Variants in MAPRE2 observed in about 807,000 individuals in gnomAD.
The protein encoded by MAPRE2 is microtubule-associated protein RP/EB family member 2.
A neutral mutation model predicts 43.2 loss-of-function variants in MAPRE2; 13 were observed. That is an observed-to-expected ratio of 0.30 (90% confidence interval 0.20 to 0.48). The LOEUF (loss-of-function observed/expected upper bound fraction) is 0.48, where lower values mean the gene tolerates loss of function less well. MAPRE2 is among the 20% of genes least tolerant of loss of function. MAPRE2 has a pLI of 0.99. For missense variants in MAPRE2, 161 were observed against 400.2 expected, an observed-to-expected ratio of 0.40 and a Z score of 5.10; for synonymous variants, 135 against 148.8, an observed-to-expected ratio of 0.91 and a Z score of 0.68.
At chr18:35,053,708 A>G (rs1209198452) in intron 1 of MAPRE2, among the ~76,000 whole-genome samples, 1 of 152,188 alleles carries the variant, frequency 6.6e-6, no homozygotes, top group East Asian at 1.9e-4. Flanking sequence ...AGGATACCAT[A>G]TGTTCTCACA....
intron 1 of MAPRE2, among the ~76,000 whole-genome samples, chr18:35,056,047 CTG>C (rs1906213487): frequency 6.6e-6 from 1 of 150,630 alleles, no homozygotes; most frequent in Admixed American, 6.6e-5. Flanking sequence ...TATTTTTTAT[CTG>C]TATTTTCTGC....
At chr18:34,987,349 C>A (rs1165261601) in intron 1 of MAPRE2, among the ~76,000 whole-genome samples, 3 of 152,120 alleles carry the variant, frequency 2.0e-5, no homozygotes, top group African/African-American at 7.2e-5. Context: ...TCTTAAAATG[C>A]AGAATTTGAG....
chr18:35,062,075 A>T (rs1404932672), intron 1 of MAPRE2, among the ~76,000 whole-genome samples: 1 of 152,286 alleles, frequency 6.6e-6, no homozygotes, highest in Non-Finnish European at 1.5e-5. Context: ...GAGATTTAAC[A>T]TCAGCCTTTT....
chr18:35,091,143 A>G (rs1908130487), intron 2 of MAPRE2, among the ~76,000 whole-genome samples: 1 of 152,376 alleles, frequency 6.6e-6, no homozygotes, highest in Non-Finnish European at 1.5e-5. Context: ...CAGGTTAAGT[A>G]TCTCTAATCC....
rs886736371 is a variant in MAPRE2 at position 35,140,577 on chromosome 18, C to T, written c.*208C>T. The T allele has an allele frequency of 3.1e-5, 17 of 554,784 alleles. No individual in the cohort carries two copies. The highest frequency in any genetic ancestry group is 5.2e-5 in the Non-Finnish European group (16 of 310,118). 34.4% of individuals were successfully genotyped at this position (554,784 alleles called of 1,614,324 possible). A position where few individuals can be genotyped will look rare whatever the true frequency, so the allele number is the denominator to read the frequency against. ...GCGGACGGCCCTCTGGCCACCTACC[C>T]GAGAGATCGTAGGGTCACATACATC... On this transcript the variant is annotated 3_prime_UTR_variant, in exon 7 of 7. Coordinates refer to ENST00000300249, the MANE Select transcript of MAPRE2 (RefSeq NM_014268.4).
At chr18:35,039,157 G>A (rs766682004), upstream of MAPRE2, among the ~76,000 whole-genome samples, 5 of 152,224 alleles carry the variant, frequency 3.3e-5, no homozygotes, top group African/African-American at 7.2e-5. Context: ...CTGTACTAAA[G>A]AACCCAGATT....
At chr18:35,038,164 C>T (rs924403701), upstream of MAPRE2, among the ~76,000 whole-genome samples, 5 of 152,148 alleles carry the variant, frequency 3.3e-5, no homozygotes, top group African/African-American at 1.2e-4. Flanking sequence ...ATCACTTCAC[C>T]TCTGCTGTAA....
upstream of MAPRE2, among the ~76,000 whole-genome samples, chr18:35,037,760 C>G (rs890379290): frequency 6.6e-6 from 1 of 152,124 alleles, no homozygotes; most frequent in Admixed American, 6.5e-5. Flanking sequence ...CACAGTATTA[C>G]AGCCTCTTCC....
At chr18:35,012,216 T>C (rs1446205814) in intron 2 of MAPRE2, among the ~76,000 whole-genome samples, 2 of 152,064 alleles carry the variant, frequency 1.3e-5, no homozygotes, top group Non-Finnish European at 2.9e-5. Flanking sequence ...CCTGTGACGT[T>C]AAAAAAGATA....
At chr18:35,066,105 C>G (rs1322995125) in intron 1 of MAPRE2, among the ~76,000 whole-genome samples, 1 of 152,210 alleles carries the variant, frequency 6.6e-6, no homozygotes, top group Non-Finnish European at 1.5e-5. Context: ...TTAGTATGAC[C>G]TTACCTTTCA....
At chr18:35,082,966 TG>T (rs1300053757) in intron 2 of MAPRE2, among the ~76,000 whole-genome samples, 2 of 152,202 alleles carry the variant, frequency 1.3e-5, no homozygotes, top group African/African-American at 4.8e-5. Flanking sequence ...CTAAGTTACT[TG>T]GTTCTTATTA....
intron 2 of MAPRE2, among the ~76,000 whole-genome samples, chr18:35,018,059 G>A (rs1318142243): frequency 6.6e-6 from 1 of 151,996 alleles, no homozygotes; most frequent in Admixed American, 6.6e-5. Flanking sequence ...TACATCTATT[G>A]AGATGATCAC....
At chr18:35,134,991 G>A (rs760436541) in intron 6 of MAPRE2, among the ~76,000 whole-genome samples, 46 of 152,164 alleles carry the variant, frequency 3.0e-4, no homozygotes, top group Non-Finnish European at 5.6e-4. Context: ...TTCAAGAAGA[G>A]AATTACTCAG....
chr18:35,128,639 A>C (rs1362509440), intron 5 of MAPRE2, among the ~76,000 whole-genome samples: 1 of 152,148 alleles, frequency 6.6e-6, no homozygotes, highest in Non-Finnish European at 1.5e-5. Flanking sequence ...TATATCAGGG[A>C]CTTCAGCATC....
chr18:35,026,374 G>A (rs927667887), intron 2 of MAPRE2, among the ~76,000 whole-genome samples: 1 of 152,204 alleles, frequency 6.6e-6, no homozygotes, highest in African/African-American at 2.4e-5. Flanking sequence ...TAAACCAATG[G>A]CCGCAACCTA....
chr18:35,068,911 A>G (rs1906973157), intron 1 of MAPRE2, among the ~76,000 whole-genome samples: 1 of 152,132 alleles, frequency 6.6e-6, no homozygotes, highest in African/African-American at 2.4e-5. Flanking sequence ...GGGCTGTTCT[A>G]TTGGTTTCTT....
chr18:35,112,256 C>G (rs756235439), intron 4 of MAPRE2, among the ~76,000 whole-genome samples: 1 of 151,548 alleles, frequency 6.6e-6, no homozygotes, highest in Non-Finnish European at 1.5e-5. Flanking sequence ...CAACCTCCGC[C>G]TCCTGGGTTC....
At chr18:35,035,719 G>A (rs1220767623) in intron 2 of MAPRE2, among the ~76,000 whole-genome samples, 2 of 149,734 alleles carry the variant, frequency 1.3e-5, no homozygotes, top group Admixed American at 6.8e-5. Context: ...TCCTTTGTGA[G>A]ACCTGCTTCT....
chr18:35,000,813 C>T (rs1051609003), intron 1 of MAPRE2, among the ~76,000 whole-genome samples: 2 of 152,114 alleles, frequency 1.3e-5, no homozygotes, highest in Non-Finnish European at 2.9e-5. Flanking sequence ...TTTCCAAACG[C>T]GAAGGGGGAT....
Sources: gnomAD v4.1 joint callset for allele counts (sites outside exome capture counted in the v4.1 genomes callset) on GRCh38, gnomAD v4.1.1 for gene constraint, MANE v1.5 for transcripts, NCBI Gene and HGNC (gene_info 2026-07-23, HGNC 2026-07-21) for gene names.